Variants in VPS28 observed in about 807,000 individuals in gnomAD.
The protein encoded by VPS28 is vacuolar protein sorting-associated protein 28 homolog.
Under a neutral mutation model 33.7 loss-of-function variants are expected in VPS28, and 29 were observed. That is an observed-to-expected ratio of 0.86 (90% CI 0.64 to 1.17). The LOEUF (loss-of-function observed/expected upper bound fraction) is 1.17, where lower values mean the gene tolerates loss of function less well. VPS28 is among the 50% of genes most tolerant of loss of function. The pLI, the probability that VPS28 is intolerant of heterozygous loss-of-function variation, is 0.00. For synonymous variants in VPS28, 164 were observed against 116.7 expected (o/e 1.40, Z -2.61); for missense variants, 247 against 312.2 (o/e 0.79, Z 1.57).
chr8:144,424,889 C>T (rs1463408534), intron 6 of VPS28, 57 bp downstream of exon 6: 4 of 1,610,506 alleles, frequency 2.5e-6, no homozygotes, highest in Non-Finnish European at 3.4e-6. Context: ...CCCTCTGGCA[C>T]CCCATACCCA....
intron 7 of VPS28, 72 bp downstream of exon 7, chr8:144,424,646 C>G: frequency 6.6e-7 from 1 of 1,516,050 alleles, no homozygotes; most frequent in South Asian, 1.1e-5. Flanking sequence ...GGCCCAGGAC[C>G]CTACGCTCGT....
rs1822739609 is a variant in VPS28 at position 144,426,308 on chromosome 8, A to T, written c.38-100T>A. 2.8e-6 allele frequency: 4 copies of T among 1,427,064 alleles called. No individual in the cohort carries two copies. In the South Asian group the frequency reaches 5.9e-5, roughly 21 times the overall value. The allele number at this position is 1,427,064 out of a possible 1,614,324, so 88.4% of individuals were successfully genotyped here. A position where few individuals can be genotyped will look rare whatever the true frequency, so the allele number is the denominator to read the frequency against. On this transcript the variant is annotated intron_variant, in intron 2 of 9. Transcript: ENST00000292510. ...TTTCAGTTCCTCCCTGAGGCCTCCC[A>T]GGCTGGGTCCCAAAGAGCCCAGAGG...
Position 144,424,241 on chromosome 8 carries a change from G to A in VPS28, c.430C>T (p.Arg144Cys), listed in dbSNP as rs782789832. 2 of 1,606,124 alleles carry A rather than the reference G, an allele frequency of 1.2e-6. No homozygotes were observed. The highest frequency in any genetic ancestry group is 1.7e-6 in the Non-Finnish European group (2 of 1,175,220). Residue 144 changes from arginine to cysteine, a missense_variant, in exon 8 of 10, where the codon CGT becomes TGT. Arg to Cys is a radical substitution (Grantham distance 180). Around this residue, in one of 3 missense-constraint regions of VPS28, gnomAD observed 95 missense variants for 118.3 expected, o/e 0.80. Transcript: ENST00000292510. ...TCATCCATGGCGCGGATCTCCAGACGCAGCTTGTCCATGACCGTGATGAAG... is the reference window on the plus strand; with the variant it reads ...TCATCCATGGCGCGGATCTCCAGACACAGCTTGTCCATGACCGTGATGAAG... ...SLFITVMDKL[R>C]LEIRAMDEIQ... is the part of the protein sequence containing the mutation.
At chr8:144,426,402 G>C (rs1554876790) in intron 2 of VPS28, 194 bp from the exon 3 acceptor site, 2 of 694,792 alleles carry the variant, frequency 2.9e-6, no homozygotes, top group Middle Eastern at 4.2e-4. Context: ...TAACACCTCT[G>C]AGAAGCCGGG....
In VPS28 at chr8:144,424,680, G is replaced by A. The variant is rs377307864; in HGVS notation, c.402+38C>T. The A allele has an allele frequency of 1.0e-5, 16 of 1,601,352 alleles. No homozygotes were observed. The African/African-American group carries it at 1.7e-4, about 17-fold the overall frequency. Reference sequence around the variant, plus strand: ...GTGCCCAGCTGCAGCAGGCAGCCTCGGCTCTCCTAACCACGTGCCCTGGGG... The same window carrying A: ...GTGCCCAGCTGCAGCAGGCAGCCTCAGCTCTCCTAACCACGTGCCCTGGGG... On this transcript the variant is annotated intron_variant, in intron 7 of 9. Transcript: ENST00000292510.
chr8:144,425,309 C>G, intron 5 of VPS28: 1 of 580,928 alleles, frequency 1.7e-6, no homozygotes, highest in Non-Finnish European at 3.1e-6. Context: ...GACCAGCCCT[C>G]TGTTGTGATG....
At chr8:144,425,649 G>GC (rs782255669) in intron 5 of VPS28, 34 bp downstream of exon 5, 1 of 1,610,562 alleles carries the variant, frequency 6.2e-7, no homozygotes, top group South Asian at 1.1e-5. Context: ...GCCCCCCAGG[G>GC]CAGGAACAGA....
intron 7 of VPS28, 115 bp from the exon 8 acceptor site, chr8:144,424,383 T>A: frequency 7.3e-7 from 1 of 1,375,930 alleles, no homozygotes; most frequent in Admixed American, 2.5e-5. Flanking sequence ...CTCACTGTAC[T>A]CTGTTCCCAA....
At chr8:144,426,710 C>T (rs1822776698) in intron 2 of VPS28, 199 bp downstream of exon 2, 1 of 600,928 alleles carries the variant, frequency 1.7e-6, no homozygotes, top group Admixed American at 3.1e-5. Context: ...CATCTCTGCC[C>T]AGCAGGACCA....
intron 5 of VPS28, 195 bp from the exon 6 acceptor site, chr8:144,425,246 G>T: frequency 1.7e-6 from 1 of 605,920 alleles, no homozygotes; most frequent in South Asian, 2.0e-5. Flanking sequence ...TTGTAGCTCG[G>T]CTCCAGGTGG....
Position 144,423,909 on chromosome 8 carries a change from T to G in VPS28, c.562A>C (p.Ser188Arg), listed in dbSNP as rs373475692. ...QTVSQWLQTLSGMSASDELDD... is the reference protein window; with the variant it reads ...QTVSQWLQTLRGMSASDELDD... ...AGCTCATCTGACGCCGACATGCCGC[T>G]CAGGGTCTGCAGCCTGGGAGTGCAG... Residue 188 changes from serine (S) to arginine (R), a missense_variant, in exon 10 of 10, where the codon AGC becomes CGC. Transcript: ENST00000292510. 1 of 1,613,100 alleles carries G rather than the reference T, an allele frequency of 6.2e-7. No homozygotes were observed. Among genetic ancestry groups the G allele is most frequent in the South Asian group, 1.1e-5 (1 of 91,088 alleles).
At chr8:144,425,571 G>T in intron 5 of VPS28, 112 bp downstream of exon 5, 1 of 1,147,492 alleles carries the variant, frequency 8.7e-7, no homozygotes, top group Non-Finnish European at 1.2e-6. Context: ...CACGCTGGGT[G>T]GGCCCCACAC....
At position 144,424,831 on chromosome 8, in the gene VPS28, G is replaced by A. The variant is rs782480283; in HGVS notation, c.301-12C>T. ...AGCGGGCAGTCCAGCTGTTGGGGGT[G>A]ACATGGGTGCTGGGGCTCTCAGGAC... On this transcript the variant is annotated splice_polypyrimidine_tract_variant and intron_variant, in intron 6 of 9. Coordinates refer to ENST00000292510, the MANE Select transcript of VPS28 (RefSeq NM_016208.4). 6.2e-6 allele frequency: 10 copies of A among 1,613,706 alleles called. No individual in the cohort carries two copies. In the Admixed American group the frequency reaches 6.7e-5, roughly 11 times the overall value.
chr8:144,424,311 C>A, intron 7 of VPS28, 43 bp from the exon 8 acceptor site: 2 of 1,546,964 alleles, frequency 1.3e-6, no homozygotes, highest in Middle Eastern at 2.4e-4. Flanking sequence ...TCCACGGGTG[C>A]GGGAGGCCCC....
rs782262965 is a variant in VPS28, at chr8:144,424,274, G to A, written c.403-6C>T. On this transcript the variant is annotated splice_region_variant and splice_polypyrimidine_tract_variant and intron_variant, in intron 7 of 9. Coordinates refer to ENST00000292510, the MANE Select transcript of VPS28 (RefSeq NM_016208.4). Reference sequence around the variant, plus strand: ...TCCATGACCGTGATGAAGAGCTGGGGGCAGGTGTGCACATGAGGCTCGCGT... The same window carrying A: ...TCCATGACCGTGATGAAGAGCTGGGAGCAGGTGTGCACATGAGGCTCGCGT... 3.1e-6 allele frequency: 5 copies of A among 1,599,146 alleles called. No individual in the cohort carries two copies. The highest frequency in any genetic ancestry group is 4.5e-5 in the East Asian group (2 of 44,628).
intron 4 of VPS28, 97 bp downstream of exon 4, chr8:144,425,929 C>T: frequency 1.4e-6 from 2 of 1,474,416 alleles, no homozygotes; most frequent in Non-Finnish European, 9.0e-7. Context: ...GACCCTGCGT[C>T]CTCCCACCCC....
rs782579871 is a variant in VPS28, at chr8:144,424,923, G to A, written c.300+23C>T. 3 of 1,602,120 alleles carry A rather than the reference G, an allele frequency of 1.9e-6. No individual in the cohort carries two copies. The South Asian group carries it at 3.3e-5, about 18-fold the overall frequency. On this transcript the variant is annotated intron_variant, in intron 6 of 9. Coordinates refer to ENST00000292510, the MANE Select transcript of VPS28 (RefSeq NM_016208.4). Reference sequence around the variant, plus strand: ...CATGCCCGACAGTCTCGCCCCATGGGGGTGGAAGGACCAGGCACTCACGCG... The same window carrying A: ...CATGCCCGACAGTCTCGCCCCATGGAGGTGGAAGGACCAGGCACTCACGCG...
In VPS28 at chr8:144,424,031, G is replaced by A; in HGVS notation, c.548+10C>T. ...CTGCGGGGCTCTGCCTGGCTGGGAG[G>A]GACACCCACCACTGGCTGACCGTCT... On this transcript the variant is annotated intron_variant, in intron 9 of 9. Coordinates refer to ENST00000292510, the MANE Select transcript of VPS28 (RefSeq NM_016208.4). 6.3e-7 allele frequency: 1 copy of A among 1,591,638 alleles called. No individual in the cohort carries two copies. The highest frequency in any genetic ancestry group is 8.6e-7 in the Non-Finnish European group (1 of 1,165,492).
intron 1 of VPS28, among the ~76,000 whole-genome samples, chr8:144,427,958 G>A (rs1822910800): frequency 6.6e-6 from 1 of 152,132 alleles, no homozygotes; most frequent in Non-Finnish European, 1.5e-5. Context: ...GCTCTCGGTG[G>A]AGAGGCCCGG....
Sources: gnomAD v4.1 joint callset for allele counts (sites outside exome capture counted in the v4.1 genomes callset) on GRCh38, gnomAD v4.1.1 for gene constraint, gnomAD v4.1.1 regional missense constraint, MANE v1.5 for transcripts, NCBI Gene and HGNC (gene_info 2026-07-23, HGNC 2026-07-21) for gene names.